Variants in TIAM2 observed in about 807,000 individuals in gnomAD.
The protein encoded by TIAM2 is TIAM Rac1 associated GEF 2, also known as rho guanine nucleotide exchange factor TIAM2.
In TIAM2, 80 loss-of-function variants were observed where a neutral mutation model predicts 152.9. The ratio of observed to expected loss-of-function variants is 0.52; its 90% CI spans 0.44 to 0.63. TIAM2 has a LOEUF of 0.63. Among genes scored for constraint, TIAM2 ranks in the 30% least tolerant of loss-of-function variants. The pLI, the probability that TIAM2 is intolerant of heterozygous loss-of-function variation, is 0.00. For missense variants in TIAM2, 1,965 were observed against 2,120.1 expected, an observed-to-expected ratio of 0.93 and a Z score of 1.44; for synonymous variants, 804 against 838.0, an observed-to-expected ratio of 0.96 and a Z score of 0.70.
chr6:155,149,548 A>G (rs1191580207), intron 7 of TIAM2, among the ~76,000 whole-genome samples: 1 of 152,218 alleles, frequency 6.6e-6, no homozygotes, highest in Admixed American at 6.5e-5. Flanking sequence ...TTTTATTTAA[A>G]TTGCAAATTA....
In TIAM2 at chr6:155,249,902, A is replaced by C. The variant is rs1783546622; in HGVS notation, c.3884A>C (p.Lys1295Thr). 5 of 1,614,198 alleles carry C rather than the reference A, an allele frequency of 3.1e-6. No homozygotes were observed. The highest frequency in any genetic ancestry group is 4.2e-6 in the Non-Finnish European group (5 of 1,180,030). ...KVASHINEMQKIYEDYGTVFD... is the reference protein window; with the variant it reads ...KVASHINEMQTIYEDYGTVFD... The stretch of plus-strand genomic sequence containing the variant: ...GCGAGCCACATCAATGAGATGCAGA[A>C]GATCTATGAGGATTATGGGACCGTG... Residue 1295 changes from lysine to threonine, a missense_variant, in exon 21 of 27, where the codon AAG (lysine) becomes ACG (threonine). By Grantham distance (78) the Lys-to-Thr change is moderately conservative. Around this residue, in one of 3 missense-constraint regions of TIAM2, gnomAD observed 935 missense variants for 980.0 expected, o/e 0.95. Coordinates refer to ENST00000682666, the MANE Select transcript of TIAM2 (RefSeq NM_012454.4).
At chr6:155,074,162 T>C (rs552991405) in intron 1 of TIAM2, among the ~76,000 whole-genome samples, 10 of 152,320 alleles carry the variant, frequency 6.6e-5, no homozygotes, top group African/African-American at 1.7e-4. Context: ...TTTGTTGATA[T>C]GGCTACAAGG....
chr6:155,091,120 C>T (rs1164041990), intron 2 of TIAM2, among the ~76,000 whole-genome samples: 2 of 152,124 alleles, frequency 1.3e-5, no homozygotes, highest in Admixed American at 6.6e-5. Context: ...CTTTTCTTGG[C>T]TGATTGCTTC....
intron 2 of TIAM2, among the ~76,000 whole-genome samples, chr6:155,099,803 C>G (rs1341772127): frequency 6.6e-6 from 1 of 152,212 alleles, no homozygotes; most frequent in Non-Finnish European, 1.5e-5. Flanking sequence ...ATGATTTCCT[C>G]ATTGTGTGAA....
chr6:155,210,223 T>C (rs1233946656), intron 14 of TIAM2, among the ~76,000 whole-genome samples: 2 of 152,068 alleles, frequency 1.3e-5, no homozygotes, highest in East Asian at 3.8e-4. Flanking sequence ...TTAAATTTTT[T>C]AATGTTTTAA....
At chr6:155,090,637 G>A (rs973753273) in intron 2 of TIAM2, among the ~76,000 whole-genome samples, 79 of 152,156 alleles carry the variant, frequency 5.2e-4, no homozygotes, top group African/African-American at 1.9e-3. Context: ...TGGAAAACGG[G>A]TATGCCAGGC....
At chr6:155,138,987 AT>A (rs1370280221) in intron 5 of TIAM2, among the ~76,000 whole-genome samples, 4 of 152,210 alleles carry the variant, frequency 2.6e-5, no homozygotes, top group Admixed American at 2.6e-4. Flanking sequence ...TACAGCGTTG[AT>A]TTATGCAGAT....
intron 1 of TIAM2, among the ~76,000 whole-genome samples, chr6:155,002,968 A>G (rs1446330447): frequency 2.0e-5 from 3 of 152,060 alleles, no homozygotes; most frequent in African/African-American, 4.8e-5. Flanking sequence ...TGTTGGGATT[A>G]TAGGTGTGAG....
chr6:155,145,421 T>C (rs1336979372), intron 6 of TIAM2, among the ~76,000 whole-genome samples: 2 of 152,190 alleles, frequency 1.3e-5, no homozygotes, highest in Non-Finnish European at 2.9e-5. Context: ...TTGGAGCGCG[T>C]ACCAGACTTC....
At chr6:155,126,337 G>A (rs1370788097) in intron 2 of TIAM2, among the ~76,000 whole-genome samples, 1 of 152,204 alleles carries the variant, frequency 6.6e-6, no homozygotes, top group Admixed American at 6.5e-5. Context: ...GCTGTTTAAT[G>A]GGTGCAGAGT....
intron 1 of TIAM2, among the ~76,000 whole-genome samples, chr6:155,018,676 CCT>C (rs1778643308): frequency 3.6e-3 from 1 of 280 alleles, no homozygotes; most frequent in Non-Finnish European, 8.8e-3. Context: ...CCTCCCCTCC[CCT>C]CCCCTTCCCT....
chr6:155,015,114 A>T (rs1778550258), intron 1 of TIAM2, among the ~76,000 whole-genome samples: 1 of 152,060 alleles, frequency 6.6e-6, no homozygotes. Context: ...CTGTGCAGAG[A>T]GTCCGCACAG....
intron 15 of TIAM2, among the ~76,000 whole-genome samples, chr6:155,229,790 C>T (rs1270096917): frequency 6.6e-6 from 1 of 152,208 alleles, no homozygotes; most frequent in African/African-American, 2.4e-5. Context: ...CACAGTTCCA[C>T]ATGACTGGGG....
Position 155,047,219 on chromosome 6 carries a change from G to C in TIAM2, c.-208-43070G>C, listed in dbSNP as rs190860395. The stretch of plus-strand genomic sequence containing the variant: ...AGATGGGGTCTCACTCTGTCGCCCA[G>C]GCTGTATGTAGTGCAGTGGCACGAT... On this transcript the variant is annotated intron_variant, in intron 1 of 26. Coordinates refer to ENST00000682666, the MANE Select transcript of TIAM2 (RefSeq NM_012454.4). Among the ~76,000 whole-genome samples, 7 of 152,214 alleles carry C rather than the reference G, an allele frequency of 4.6e-5. No individual in the cohort carries two copies. In the East Asian group the frequency reaches 1.4e-3, roughly 29 times the overall value.
intron 1 of TIAM2, among the ~76,000 whole-genome samples, chr6:154,999,961 G>A (rs1583143687): frequency 6.6e-6 from 1 of 152,090 alleles, no homozygotes; most frequent in African/African-American, 2.4e-5. Flanking sequence ...ACAGGTGTGA[G>A]CCACCGCGCC....
At chr6:155,209,046 T>C (rs1781656563) in intron 14 of TIAM2, among the ~76,000 whole-genome samples, 1 of 151,958 alleles carries the variant, frequency 6.6e-6, no homozygotes, top group African/African-American at 2.4e-5. Context: ...AAGGCTTTGC[T>C]CAAGTGTCTG....
chr6:155,037,488 G>C (rs965317794), intron 1 of TIAM2, among the ~76,000 whole-genome samples: 1 of 152,026 alleles, frequency 6.6e-6, no homozygotes, highest in Admixed American at 6.6e-5. Context: ...TTGCAGGTCA[G>C]CATGAATAGT....
chr6:155,238,598 C>A (rs1309501593), intron 15 of TIAM2, among the ~76,000 whole-genome samples: 1 of 152,238 alleles, frequency 6.6e-6, no homozygotes, highest in Non-Finnish European at 1.5e-5. Context: ...TCCCACTGCA[C>A]CTTTGGCACA....
rs769691106 is a variant in TIAM2 at position 155,180,852 on chromosome 6, G to A, written c.2708-1374G>A. 6.5e-4 allele frequency among the ~76,000 whole-genome samples: 98 copies of A among 151,928 alleles called. 1 individual carries two copies. The highest frequency in any genetic ancestry group is 3.1e-4 in the Non-Finnish European group (21 of 67,984). On this transcript the variant is annotated intron_variant, in intron 12 of 26. Transcript: ENST00000682666. ...TTGAACTCCTGGACTCAAGTGATCC[G>A]CCCACCTCAGCCTCCCAAAGTGCTG...
Sources: gnomAD v4.1 joint callset for allele counts (sites outside exome capture counted in the v4.1 genomes callset) on GRCh38, gnomAD v4.1.1 for gene constraint, gnomAD v4.1.1 regional missense constraint, MANE v1.5 for transcripts, NCBI Gene and HGNC (gene_info 2026-07-23, HGNC 2026-07-21) for gene names.